NYAP2: variants seen among roughly 807,000 people sequenced by gnomAD.
NYAP2 encodes the protein neuronal tyrosine-phosphorylated phosphoinositide-3-kinase adaptor 2.
NYAP2 carries 23 observed loss-of-function variants against 50.4 expected under a neutral mutation model. That is an observed-to-expected ratio of 0.46 (90% CI 0.33 to 0.65). The LOEUF (loss-of-function observed/expected upper bound fraction) is 0.65. NYAP2 is among the 30% of genes least tolerant of loss of function. The pLI, the probability that NYAP2 is intolerant of heterozygous loss-of-function variation, is 0.02. For synonymous variants in NYAP2, 394 were observed against 365.2 expected, an observed-to-expected ratio of 1.08 and a Z score of -0.90; for missense variants, 885 against 861.0, an observed-to-expected ratio of 1.03 and a Z score of -0.35.
chr2:225,553,387 A>G (rs1369322251), intron 4 of NYAP2, among the ~76,000 whole-genome samples: 1 of 152,236 alleles, frequency 6.6e-6, no homozygotes, highest in Non-Finnish European at 1.5e-5. Context: ...GCAGAGTCCC[A>G]ACTCCAGAAT....
At chr2:225,600,929 A>G (rs1559226570) in intron 5 of NYAP2, among the ~76,000 whole-genome samples, 1 of 152,146 alleles carries the variant, frequency 6.6e-6, no homozygotes, top group East Asian at 1.9e-4. Flanking sequence ...TTAGGGATAT[A>G]CCACATTGCA....
rs185948771 is a variant in NYAP2, at chr2:225,596,622, A to T, written c.1618+13587A>T. Among the ~76,000 whole-genome samples, 840 of 152,274 alleles carry T rather than the reference A, an allele frequency of 5.5e-3. 11 individuals carry two copies. Among genetic ancestry groups the T allele is most frequent in the African/African-American group, 0.018 (763 of 41,544 alleles). ...ATTTTTCTAAAGCTAATTTTTTTTA[A>T]AAAATAGCACCATCCAATAGAATTG... On this transcript the variant is annotated intron_variant, in intron 5 of 6. Coordinates refer to ENST00000636099, the Ensembl canonical transcript of NYAP2.
chr2:225,632,836 T>G (rs1036140514), intron 6 of NYAP2, among the ~76,000 whole-genome samples: 1 of 152,190 alleles, frequency 6.6e-6, no homozygotes, highest in Admixed American at 6.6e-5. Context: ...CCCCACAGAC[T>G]GTAAAATACA....
At chr2:225,597,410 C>G (rs1692620877) in intron 5 of NYAP2, among the ~76,000 whole-genome samples, 1 of 149,142 alleles carries the variant, frequency 6.7e-6, no homozygotes, top group Non-Finnish European at 1.5e-5. Context: ...TTTTTCCAAT[C>G]CTGAGTTATT....
chr2:225,627,350 T>C lies in NYAP2; in HGVS notation c.1828+224T>C, dbSNP rs531804978. Reference sequence around the variant, plus strand: ...ATGAAAGATACCTGAACGGTGCTTCTTGGAGCTATGCAAGATAGCAGCCTT... The same window carrying C: ...ATGAAAGATACCTGAACGGTGCTTCCTGGAGCTATGCAAGATAGCAGCCTT... On this transcript the variant is annotated intron_variant, in intron 6 of 6. Coordinates refer to ENST00000636099, the Ensembl canonical transcript of NYAP2. Among the ~76,000 whole-genome samples the C allele has an allele frequency of 2.0e-5, 3 of 152,352 alleles. No homozygotes were observed. In the East Asian group the frequency reaches 5.8e-4, roughly 29 times the overall value.
intron 3 of NYAP2, among the ~76,000 whole-genome samples, chr2:225,486,161 T>C (rs776713759): frequency 1.2e-4 from 18 of 152,308 alleles, no homozygotes; most frequent in Non-Finnish European, 2.2e-4. Context: ...CCACCAAGCC[T>C]TCCTTCTCCT....
At chr2:225,432,812 C>A (rs1252321023) in intron 3 of NYAP2, among the ~76,000 whole-genome samples, 1 of 152,164 alleles carries the variant, frequency 6.6e-6, no homozygotes, top group Non-Finnish European at 1.5e-5. Flanking sequence ...TTTTTCTCAC[C>A]TGTCTTCTCC....
At chr2:225,471,641 A>G (rs1031907369) in intron 3 of NYAP2, among the ~76,000 whole-genome samples, 1 of 152,230 alleles carries the variant, frequency 6.6e-6, no homozygotes, top group African/African-American at 2.4e-5. Flanking sequence ...GTGTTTTACT[A>G]AGTCGCTGGT....
rs185771027 is a variant in NYAP2, at chr2:225,559,069, C to G, written c.524-22872C>G. Among the ~76,000 whole-genome samples the G allele has an allele frequency of 5.9e-5, 9 of 152,030 alleles. 1 individual carries two copies. The highest frequency in any genetic ancestry group is 5.9e-4 in the Admixed American group (9 of 15,236). Reference sequence around the variant, plus strand: ...GAGGTGGAGGCTGTCTTTTTTCTCTCTCTTCCTCTCTGTTTATGTTTTAGA... The same window carrying G: ...GAGGTGGAGGCTGTCTTTTTTCTCTGTCTTCCTCTCTGTTTATGTTTTAGA... On this transcript the variant is annotated intron_variant, in intron 4 of 6. Coordinates refer to ENST00000636099, the Ensembl canonical transcript of NYAP2.
chr2:225,399,344 A>G (rs1694819878), upstream of NYAP2, among the ~76,000 whole-genome samples: 1 of 152,070 alleles, frequency 6.6e-6, no homozygotes. Flanking sequence ...AAATACAAAT[A>G]CACACAAACA....
intron 4 of NYAP2, among the ~76,000 whole-genome samples, chr2:225,517,871 C>A (rs1690963426): frequency 6.6e-6 from 1 of 152,086 alleles, no homozygotes; most frequent in South Asian, 2.1e-4. Flanking sequence ...AAAGACAGCC[C>A]TTATACACTA....
At chr2:225,515,343 G>T (rs973785666) in intron 4 of NYAP2, among the ~76,000 whole-genome samples, 6 of 152,124 alleles carry the variant, frequency 3.9e-5, no homozygotes, top group African/African-American at 1.2e-4. Flanking sequence ...TCCATGGTGT[G>T]CAATTTGTCA....
chr2:225,443,221 T>C (rs1689498127), intron 3 of NYAP2, among the ~76,000 whole-genome samples: 1 of 152,230 alleles, frequency 6.6e-6, no homozygotes, highest in African/African-American at 2.4e-5. Context: ...AATTATAATT[T>C]GACTCTGGGC....
chr2:225,675,439 C>G, the NYAP2 span, among the ~76,000 whole-genome samples: 1 of 152,108 alleles, frequency 6.6e-6, no homozygotes, highest in African/African-American at 2.4e-5. Flanking sequence ...GGATAATGGC[C>G]TCCAGCATCA....
At chr2:225,639,573 G>T (rs1693489475) in intron 6 of NYAP2, among the ~76,000 whole-genome samples, 1 of 152,024 alleles carries the variant, frequency 6.6e-6, no homozygotes, top group Non-Finnish European at 1.5e-5. Flanking sequence ...TGAACTTTGG[G>T]TTTCTGACTC....
intron 3 of NYAP2, among the ~76,000 whole-genome samples, chr2:225,484,078 G>A (rs1226217343): frequency 6.6e-6 from 1 of 152,192 alleles, no homozygotes; most frequent in Non-Finnish European, 1.5e-5. Flanking sequence ...CATAGTAAAT[G>A]AACACTAACT....
intron 4 of NYAP2, among the ~76,000 whole-genome samples, chr2:225,530,935 T>C (rs886641417): frequency 1.2e-4 from 18 of 152,220 alleles, no homozygotes; most frequent in Admixed American, 9.8e-4. Flanking sequence ...TATGCTCCTA[T>C]CTCATTCAGG....
intron 6 of NYAP2, among the ~76,000 whole-genome samples, chr2:225,629,347 C>T (rs889688822): frequency 2.0e-5 from 3 of 152,182 alleles, no homozygotes; most frequent in South Asian, 2.1e-4. Context: ...ATTTTCTTTA[C>T]TTAGACTAGT....
intron 4 of NYAP2, among the ~76,000 whole-genome samples, chr2:225,534,444 G>A (rs910217887): frequency 6.6e-6 from 1 of 152,190 alleles, no homozygotes; most frequent in Non-Finnish European, 1.5e-5. Flanking sequence ...ATATATCCAT[G>A]AGCAAAAGTG....
Sources: gnomAD v4.1 joint callset for allele counts (sites outside exome capture counted in the v4.1 genomes callset) on GRCh38, gnomAD v4.1.1 for gene constraint, MANE v1.5 for transcripts, NCBI Gene and HGNC (gene_info 2026-07-23, HGNC 2026-07-21) for gene names.